The following SLC39A12 variants were observed in gnomAD, a reference collection of about 807,000 sequenced individuals.
The protein encoded by SLC39A12 is zinc transporter ZIP12.
SLC39A12 carries 63 observed loss-of-function variants against 71.1 expected under a neutral mutation model. The ratio of observed to expected loss-of-function variants is 0.89; its 90% CI spans 0.72 to 1.09. SLC39A12 has a LOEUF of 1.09. Ranked by LOEUF, SLC39A12 falls within the 50% of genes least tolerant of loss-of-function variation. The pLI, the probability that SLC39A12 is intolerant of heterozygous loss-of-function variation, is 0.00. For missense variants in SLC39A12, 892 were observed against 812.6 expected (o/e 1.10, Z -1.19); for synonymous variants, 351 against 301.3 (o/e 1.16, Z -1.71).
chr10:17,965,425 T>C (rs966720), intron 3 of SLC39A12, 58 bp from the exon 4 acceptor site: 479,779 of 1,509,658 alleles, frequency 0.32, 78,838 homozygotes, highest in African/African-American at 0.42. Flanking sequence ...TCAGAGATGT[T>C]AGAATCAAAA....
chr10:17,953,856 C>G (rs28684480), intron 2 of SLC39A12, among the ~76,000 whole-genome samples: 2,859 of 152,302 alleles, frequency 0.019, 90 homozygotes, highest in African/African-American at 0.062. Flanking sequence ...TTTCTTAAAG[C>G]CTTCAGTGCA....
chr10:17,952,330 A>T (rs1019767215), intron 1 of SLC39A12, among the ~76,000 whole-genome samples: 2 of 150,006 alleles, frequency 1.3e-5, no homozygotes, highest in South Asian at 4.2e-4. Flanking sequence ...TGTGTGTGTC[A>T]TGTTCTTGAG....
chr10:17,963,789 C>T (rs1013731989), intron 3 of SLC39A12, among the ~76,000 whole-genome samples: 1 of 152,138 alleles, frequency 6.6e-6, no homozygotes, highest in Non-Finnish European at 1.5e-5. Context: ...TTGGTCTGCA[C>T]GGGACCCAGC....
chr10:17,965,183 G>A (rs1252077882), intron 3 of SLC39A12, among the ~76,000 whole-genome samples: 1 of 151,818 alleles, frequency 6.6e-6, no homozygotes, highest in African/African-American at 2.4e-5. Context: ...CTCCAGCCTG[G>A]GCAGCAAGAG....
At chr10:18,025,888 G>C (rs1444941736) in intron 12 of SLC39A12, among the ~76,000 whole-genome samples, 3 of 152,114 alleles carry the variant, frequency 2.0e-5, no homozygotes, top group Non-Finnish European at 4.4e-5. Context: ...GGTTGTGCTA[G>C]AGTTGCACTG....
chr10:17,985,063 T>G (rs2437266), intron 6 of SLC39A12, among the ~76,000 whole-genome samples: 136,156 of 152,232 alleles, frequency 0.89, 60,937 homozygotes, highest in Non-Finnish European at 0.9. Flanking sequence ...AATGATCTAG[T>G]CTGGGCATGG....
At chr10:18,038,269 C>G (rs1160760892) in intron 12 of SLC39A12, among the ~76,000 whole-genome samples, 20 of 151,902 alleles carry the variant, frequency 1.3e-4, no homozygotes, top group Non-Finnish European at 4.4e-5. Context: ...GTCACTGACT[C>G]TCATAAAAGA....
Position 17,981,314 on chromosome 10 carries a change from C to G in SLC39A12, c.927C>G (p.Thr309=). Residue 309 remains threonine, a splice_region_variant and synonymous_variant, in exon 6 of 13, where the codon ACC becomes ACG. Transcript: ENST00000377369. ...SEDGPVSWDQ[T]CFSARQLVEI... ...AATGTTATGTTTTCCTCACACAGAC[C>G]TGCTTCTCTGCTAGGCAGCTGGTGG... is the stretch of plus-strand genomic sequence containing the variant. 6.2e-7 allele frequency: 1 copy of G among 1,606,068 alleles called. No homozygotes were observed.
intron 11 of SLC39A12, chr10:18,002,164 G>T (rs774925793): frequency 1.3e-5 from 2 of 152,138 alleles, no homozygotes; most frequent in South Asian, 4.2e-4. Flanking sequence ...AAATAGTAGA[G>T]GCTGGTCTGG....
chr10:17,969,519 A>G (rs1834916912), intron 4 of SLC39A12, among the ~76,000 whole-genome samples: 1 of 152,008 alleles, frequency 6.6e-6, no homozygotes, highest in Admixed American at 6.5e-5. Flanking sequence ...TGTAGTTTTG[A>G]TTTGCATTTC....
intron 12 of SLC39A12, among the ~76,000 whole-genome samples, chr10:18,032,992 G>C (rs1836893780): frequency 6.6e-6 from 1 of 151,194 alleles, no homozygotes; most frequent in Non-Finnish European, 1.5e-5. Context: ...GCATCCCAGG[G>C]ATGAAGCCGA....
At chr10:17,958,301 C>T (rs1411130519) in intron 2 of SLC39A12, among the ~76,000 whole-genome samples, 2 of 152,086 alleles carry the variant, frequency 1.3e-5, no homozygotes, top group Non-Finnish European at 2.9e-5. Context: ...CATGAGCGTC[C>T]TACTCCTTGC....
chr10:17,981,218 C>T (rs2130808856), intron 5 of SLC39A12, 94 bp from the exon 6 acceptor site: 2 of 1,111,312 alleles, frequency 1.8e-6, no homozygotes, highest in East Asian at 4.8e-5. Flanking sequence ...TCTCGCTATT[C>T]CATCTAGAAT....
chr10:18,036,583 G>C lies in SLC39A12; in HGVS notation c.1948-6122G>C, dbSNP rs571937011. 2.6e-5 allele frequency among the ~76,000 whole-genome samples: 4 copies of C among 151,536 alleles called. No individual in the cohort carries two copies. In the East Asian group the frequency reaches 7.9e-4, roughly 30 times the overall value. ...TAGTGAGATGAACCCAGTACCTCAG[G>C]TGGAAATGCAGAAATCACCCGTCTT... On this transcript the variant is annotated intron_variant, in intron 12 of 12. Transcript: ENST00000377369.
chr10:17,974,940 C>T (rs979082063), intron 4 of SLC39A12, among the ~76,000 whole-genome samples: 1 of 152,162 alleles, frequency 6.6e-6, no homozygotes, highest in African/African-American at 2.4e-5. Context: ...ACCTGGTGTT[C>T]TACCGTATTG....
At chr10:17,995,746 A>G (rs1458613310) in intron 10 of SLC39A12, 24 bp downstream of exon 10, 3 of 1,597,072 alleles carry the variant, frequency 1.9e-6, no homozygotes, top group Non-Finnish European at 2.6e-6. Flanking sequence ...TAAACTTTAC[A>G]TGTGGAAAGT....
intron 3 of SLC39A12, among the ~76,000 whole-genome samples, chr10:17,963,103 G>C (rs537095937): frequency 1.3e-5 from 2 of 152,128 alleles, no homozygotes; most frequent in African/African-American, 4.8e-5. Context: ...TGAGGTTACA[G>C]TGAACTATGA....
chr10:17,963,305 C>G (rs559641116), intron 3 of SLC39A12, among the ~76,000 whole-genome samples: 2 of 152,304 alleles, frequency 1.3e-5, no homozygotes, highest in South Asian at 4.1e-4. Context: ...AAACTGGCTG[C>G]TAACATTTTA....
chr10:18,004,557 A>G (rs1248418440), intron 12 of SLC39A12: 3 of 152,152 alleles, frequency 2.0e-5, no homozygotes, highest in African/African-American at 7.2e-5. Context: ...CCCCACTCTA[A>G]GGCTCCTGAG....
Sources: allele counts gnomAD v4.1 joint callset (sites outside exome capture counted in the v4.1 genomes callset), GRCh38; gene constraint gnomAD v4.1.1; transcripts MANE v1.5; gene names NCBI Gene and HGNC (gene_info 2026-07-23, HGNC 2026-07-21).